DCAF1: variants seen among roughly 807,000 people sequenced by gnomAD.
DCAF1 encodes the protein DDB1- and CUL4-associated factor 1.
A neutral mutation model predicts 128.0 loss-of-function variants in DCAF1; 15 were observed. The ratio of observed to expected loss-of-function variants is 0.12; its 90% CI spans 0.08 to 0.18. The LOEUF (loss-of-function observed/expected upper bound fraction) is 0.18. Ranked by LOEUF, DCAF1 falls within the 10% of genes least tolerant of loss-of-function variation. The pLI is 1.00. For missense variants in DCAF1, 988 were observed against 1,649.5 expected, an observed-to-expected ratio of 0.60 and a Z score of 6.95; for synonymous variants, 610 against 603.0, an observed-to-expected ratio of 1.01 and a Z score of -0.17.
chr3:51,437,099 C>CA (rs1292951144), intron 9 of DCAF1, among the ~76,000 whole-genome samples: 1 of 151,414 alleles, frequency 6.6e-6, no homozygotes, highest in African/African-American at 2.4e-5. Flanking sequence ...CCTGTCTCCA[C>CA]AAAAAATAAA....
intron 10 of DCAF1, among the ~76,000 whole-genome samples, chr3:51,431,270 T>C (rs955896023): frequency 3.0e-4 from 46 of 151,424 alleles, no homozygotes; most frequent in Non-Finnish European, 6.0e-4. Context: ...GTAATCCCAG[T>C]ACTTTGGGAG....
intron 6 of DCAF1, 114 bp downstream of exon 6, chr3:51,463,000 A>C: frequency 1.9e-6 from 1 of 523,752 alleles, no homozygotes; most frequent in Non-Finnish European, 3.1e-6. Context: ...TTTATAACAT[A>C]TATTACTATA....
intron 20 of DCAF1, among the ~76,000 whole-genome samples, chr3:51,413,644 A>G (rs1403376786): frequency 2.0e-5 from 3 of 152,252 alleles, no homozygotes; most frequent in African/African-American, 2.4e-5. Flanking sequence ...TACAAGGCTT[A>G]TAACAACACA....
At chr3:51,484,895 C>T (rs1553654642) in intron 2 of DCAF1, among the ~76,000 whole-genome samples, 1 of 149,556 alleles carries the variant, frequency 6.7e-6, no homozygotes, top group Non-Finnish European at 1.5e-5. Flanking sequence ...GCTGGCCAGG[C>T]TAGTCTCAAA....
At chr3:51,460,177 TCTC>T (rs1482525693) in intron 6 of DCAF1, among the ~76,000 whole-genome samples, 9 of 152,020 alleles carry the variant, frequency 5.9e-5, no homozygotes, top group Non-Finnish European at 7.4e-5. Context: ...CAGCCCAAAA[TCTC>T]CTCAAGCTGA....
At chr3:51,492,627 T>C (rs900545917) in intron 2 of DCAF1, among the ~76,000 whole-genome samples, 1 of 152,128 alleles carries the variant, frequency 6.6e-6, no homozygotes, top group African/African-American at 2.4e-5. Context: ...AACATGACTG[T>C]AGTTTAAGAA....
intron 2 of DCAF1, among the ~76,000 whole-genome samples, chr3:51,488,653 A>C (rs1307670676): frequency 1.3e-5 from 2 of 152,128 alleles, no homozygotes; most frequent in African/African-American, 4.8e-5. Flanking sequence ...AAACACAAAA[A>C]TTAGCCGGGC....
At chr3:51,500,122 A>G (rs1553663648), upstream of DCAF1, 1 of 110,990 alleles carries the variant, frequency 9.0e-6, no homozygotes, top group Non-Finnish European at 2.0e-5. Flanking sequence ...CGGGGAAAAA[A>G]AAAAAAAAAA....
At chr3:51,440,382 CAGA>C (rs1474475738) in intron 9 of DCAF1, among the ~76,000 whole-genome samples, 1 of 152,144 alleles carries the variant, frequency 6.6e-6, no homozygotes, top group Non-Finnish European at 1.5e-5. Context: ...GAGGCCAAAG[CAGA>C]AGGATTGCTT....
rs782436265 is a variant in DCAF1 at position 51,483,784 on chromosome 3, A to G, written c.45T>C (p.Thr15=). Residue 15 remains threonine, a synonymous_variant, in exon 3 of 25, where the codon ACT becomes ACC. Coordinates refer to ENST00000684031, the MANE Select transcript of DCAF1 (RefSeq NM_001387579.1). Reference sequence around the variant, plus strand: ...CCTTTTCCCACTGCTCCAGCAGGGTAGTGAGCTCAGCTTTGGAGTCCACAT... The same window carrying G: ...CCTTTTCCCACTGCTCCAGCAGGGTGGTGAGCTCAGCTTTGGAGTCCACAT... ...VVHVDSKAEL[T]TLLEQWEKEH... is the part of the protein sequence containing the mutation. The G allele has an allele frequency of 8.7e-6, 14 of 1,613,764 alleles. No individual in the cohort carries two copies. The Middle Eastern group carries it at 8.2e-4, about 95-fold the overall frequency.
intron 9 of DCAF1, among the ~76,000 whole-genome samples, chr3:51,439,717 C>T (rs1287250022): frequency 6.6e-6 from 1 of 152,028 alleles, no homozygotes; most frequent in African/African-American, 2.4e-5. Flanking sequence ...TGTGGCCAGG[C>T]GTGATGGCTC....
chr3:51,476,873 C>CA lies in DCAF1; in HGVS notation c.111-5869dup, dbSNP rs1333937242. On this transcript the variant is annotated intron_variant, in intron 3 of 24. Transcript: ENST00000684031. ...CTGGGCAACAGAGCAGACTCCGTCT[C>CA]AAAAAAAAGACCAGCCTGGCCAACG... Among the ~76,000 whole-genome samples the CA allele has an allele frequency of 4.5e-4, 68 of 151,064 alleles. 1 individual carries two copies. Among genetic ancestry groups the CA allele is most frequent in the African/African-American group, 1.6e-3 (64 of 41,172 alleles).
At chr3:51,491,116 G>A (rs1386982144) in intron 2 of DCAF1, among the ~76,000 whole-genome samples, 2 of 150,342 alleles carry the variant, frequency 1.3e-5, no homozygotes, top group South Asian at 2.1e-4. Context: ...TTGGGAGGTC[G>A]AGGCAGGTGG....
Position 51,398,746 on chromosome 3 carries a change from C to G in DCAF1, c.*23G>C, listed in dbSNP as rs782257119. ...ACTCAGTTTCTCGCCTGCCAAGAAT[C>G]TCTTCCAAGCAGTGATGGCTCCTCA... On this transcript the variant is annotated 3_prime_UTR_variant, in exon 25 of 25. Coordinates refer to ENST00000684031, the MANE Select transcript of DCAF1 (RefSeq NM_001387579.1). 6.3e-7 allele frequency: 1 copy of G among 1,580,034 alleles called. No homozygotes were observed. The highest frequency in any genetic ancestry group is 8.6e-7 in the Non-Finnish European group (1 of 1,162,356).
chr3:51,408,202 A>C (rs186275449), intron 23 of DCAF1, among the ~76,000 whole-genome samples: 1 of 152,234 alleles, frequency 6.6e-6, no homozygotes, highest in African/African-American at 2.4e-5. Flanking sequence ...CTTTCCTCTT[A>C]ATCTCCAAGC....
chr3:51,488,376 A>G (rs2108488233), intron 2 of DCAF1, among the ~76,000 whole-genome samples: 1 of 152,174 alleles, frequency 6.6e-6, no homozygotes, highest in South Asian at 2.1e-4. Context: ...ACAGAATCCA[A>G]CAGCATATTA....
Position 51,483,825 on chromosome 3 carries a change from T to A in DCAF1, c.4A>T (p.Thr2Ser). Residue 2 changes from threonine (T) to serine (S), a missense_variant, in exon 3 of 25, where the codon ACT becomes TCT. Transcript: ENST00000684031. The part of the protein sequence containing the change: M[T>S]TVVVHVDSKA... ...GAGTCCACATGTACCACTACTGTAG[T>A]CATGGCTTTGCCTAAGGAAGCAAAA... is the stretch of plus-strand genomic sequence containing the variant. 1 of 1,610,904 alleles carries A rather than the reference T, an allele frequency of 6.2e-7. No individual in the cohort carries two copies. Among genetic ancestry groups the A allele is most frequent in the Non-Finnish European group, 8.5e-7 (1 of 1,177,988 alleles).
At chr3:51,406,299 C>T (rs1473146106) in intron 23 of DCAF1, among the ~76,000 whole-genome samples, 101 of 138,746 alleles carry the variant, frequency 7.3e-4, no homozygotes, top group African/African-American at 2.6e-3. Flanking sequence ...GCCGAGATCG[C>T]GCCACTGCAC....
intron 22 of DCAF1, 117 bp from the exon 23 acceptor site, chr3:51,412,597 C>A (rs1429652146): frequency 6.7e-7 from 1 of 1,491,704 alleles, no homozygotes. Flanking sequence ...GCTTCTGATA[C>A]CCGAAATTCT....
Sources: gnomAD v4.1 joint callset for allele counts (sites outside exome capture counted in the v4.1 genomes callset) on GRCh38, gnomAD v4.1.1 for gene constraint, MANE v1.5 for transcripts, NCBI Gene and HGNC (gene_info 2026-07-23, HGNC 2026-07-21) for gene names.